The following EDRF1 variants were observed in gnomAD, a reference collection of about 807,000 sequenced individuals.
EDRF1 encodes erythroid differentiation regulatory factor 1.
In EDRF1, 69 loss-of-function variants were observed where a neutral mutation model predicts 148.7. The observed-to-expected ratio is 0.46, with a 90% CI of 0.38 to 0.57. EDRF1 has a LOEUF of 0.57. Among genes scored for constraint, EDRF1 ranks in the 20% least tolerant of loss-of-function variants. EDRF1 has a pLI of 0.00. For missense variants in EDRF1, 1,118 were observed against 1,478.7 expected (o/e 0.76, Z 4.00); for synonymous variants, 515 against 532.8 (o/e 0.97, Z 0.46).
At chr10:125,727,772 GGTT>G (rs1406489479) in intron 6 of EDRF1, among the ~76,000 whole-genome samples, 43 of 152,138 alleles carry the variant, frequency 2.8e-4, no homozygotes, top group Non-Finnish European at 2.6e-4. Flanking sequence ...GCCTGTCTTG[GGTT>G]CTGTTGAGGC....
chr10:125,738,640 A>G (rs1206177173), intron 15 of EDRF1, among the ~76,000 whole-genome samples, 195 bp downstream of exon 15: 1 of 152,202 alleles, frequency 6.6e-6, no homozygotes, highest in Non-Finnish European at 1.5e-5. Context: ...GGACATTTCT[A>G]ATAAGAGCAT....
At chr10:125,742,049 A>G (rs1319545169) in intron 17 of EDRF1, among the ~76,000 whole-genome samples, 1 of 152,216 alleles carries the variant, frequency 6.6e-6, no homozygotes, top group African/African-American at 2.4e-5. Context: ...TAACACTTGT[A>G]GTCAGCTAAC....
In EDRF1 at chr10:125,738,448, A is replaced by G. The variant is rs1424187974; in HGVS notation, c.1981+3A>G. The G allele has an allele frequency of 6.2e-7, 1 of 1,613,968 alleles. No homozygotes were observed. Among genetic ancestry groups the G allele is most frequent in the Non-Finnish European group, 8.5e-7 (1 of 1,179,962 alleles). On this transcript the variant is annotated splice_donor_region_variant and intron_variant, in intron 15 of 24. Transcript: ENST00000356792. ...GATGGCCTTGTTTTTGGACAAAAGT[A>G]AGTTGAATTGATGTGCAAATAAGGC...
chr10:125,729,863 T>C (rs1432069406), intron 8 of EDRF1, among the ~76,000 whole-genome samples: 1 of 152,246 alleles, frequency 6.6e-6, no homozygotes, highest in East Asian at 1.9e-4. Context: ...CAAGAGAGTT[T>C]ATTTAATTAG....
chr10:125,724,894 T>C (rs1848178471), intron 4 of EDRF1, among the ~76,000 whole-genome samples: 1 of 152,206 alleles, frequency 6.6e-6, no homozygotes, highest in Non-Finnish European at 1.5e-5. Flanking sequence ...AAATAAGTGC[T>C]TTTTTCCTTT....
Position 125,730,328 on chromosome 10 carries a change from T to G in EDRF1, c.1057T>G (p.Tyr353Asp). The G allele has an allele frequency of 1.2e-6, 2 of 1,613,994 alleles. No individual in the cohort carries two copies. Among genetic ancestry groups the G allele is most frequent in the Non-Finnish European group, 1.7e-6 (2 of 1,179,872 alleles). The change falls in exon 9 of 25, where the codon TAT becomes GAT. Residue 353 changes from tyrosine to aspartate, a missense_variant. Around this residue, in one of 3 missense-constraint regions of EDRF1, gnomAD observed 954 missense variants for 1,241.4 expected, o/e 0.77. Transcript: ENST00000356792. ...AATTAATGTGCTAACTGGAATTGAC[T>G]ATTGGTTGGACAACTTGATATGCAA... is the stretch of plus-strand genomic sequence containing the variant. ...KPINVLTGID[Y>D]WLDNLICNVP...
intron 12 of EDRF1, 114 bp downstream of exon 12, chr10:125,734,297 G>A: frequency 2.5e-6 from 2 of 798,690 alleles, no homozygotes; most frequent in South Asian, 2.8e-5. Context: ...ATTCAGTGTG[G>A]TAGCCATTAG....
At chr10:125,740,822 T>C (rs768739116) in intron 16 of EDRF1, among the ~76,000 whole-genome samples, 171 bp downstream of exon 16, 2 of 152,254 alleles carry the variant, frequency 1.3e-5, no homozygotes, top group Non-Finnish European at 2.9e-5. Context: ...CTCAGTGGTT[T>C]AACATCTCTT....
chr10:125,742,944 C>T, intron 17 of EDRF1, 114 bp from the exon 18 acceptor site: 1 of 1,495,352 alleles, frequency 6.7e-7, no homozygotes, highest in Non-Finnish European at 9.0e-7. Flanking sequence ...TCTTGGTATA[C>T]TTACACTATA....
intron 17 of EDRF1, 141 bp downstream of exon 17, chr10:125,741,342 A>G: frequency 1.1e-6 from 1 of 930,814 alleles, no homozygotes; most frequent in South Asian, 1.4e-5. Flanking sequence ...TTTGAGACGG[A>G]GTTTCGCTCT....
chr10:125,742,288 G>A (rs554776642), intron 17 of EDRF1: 1,358 of 1,287,730 alleles, frequency 1.1e-3, no homozygotes, highest in Non-Finnish European at 1.3e-3. Context: ...CCTCAGCACA[G>A]TGTGTAACCA....
At chr10:125,757,065 A>C (rs540545230) in intron 24 of EDRF1, 78 of 430,854 alleles carry the variant, frequency 1.8e-4, no homozygotes, top group Non-Finnish European at 3.2e-4. Context: ...CACCTTCCCC[A>C]GACTCCCAAA....
Position 125,719,889 on chromosome 10 carries a change from G to A in EDRF1, c.82G>A (p.Gly28Arg), listed in dbSNP as rs769152104. ...ARGGLSLLSQGESEESSAQGS... is the reference protein window; with the variant it reads ...ARGGLSLLSQRESEESSAQGS... ...AGGAGGGCTCAGCCTCCTGTCCCAGGGAGAATCCGAGGAATCTTCTGCACA... is the reference window on the plus strand; with the variant it reads ...AGGAGGGCTCAGCCTCCTGTCCCAGAGAGAATCCGAGGAATCTTCTGCACA... The change falls in exon 1 of 25, where the codon GGA becomes AGA. Residue 28 changes from glycine (G) to arginine (R), a missense_variant. Around this residue, in one of 3 missense-constraint regions of EDRF1, gnomAD observed 65 missense variants for 50.3 expected, o/e 1.29. Coordinates refer to ENST00000356792, the MANE Select transcript of EDRF1 (RefSeq NM_001202438.2). 2 of 1,613,282 alleles carry A rather than the reference G, an allele frequency of 1.2e-6. No homozygotes were observed. The highest frequency in any genetic ancestry group is 2.2e-5 in the South Asian group (2 of 91,046).
At chr10:125,742,787 T>C (rs1849101732) in intron 17 of EDRF1, 1 of 984,462 alleles carries the variant, frequency 1.0e-6, no homozygotes, top group African/African-American at 1.7e-5. Flanking sequence ...AATAAACAAG[T>C]GTACCTGGGA....
chr10:125,735,903 G>A lies in EDRF1; in HGVS notation c.1757G>A (p.Arg586Lys). 2 of 1,604,556 alleles carry A rather than the reference G, an allele frequency of 1.2e-6. No homozygotes were observed. Among genetic ancestry groups the A allele is most frequent in the Non-Finnish European group, 1.7e-6 (2 of 1,173,350 alleles). Residue 586 changes from arginine to lysine, a missense_variant and splice_region_variant, in exon 13 of 25, where the codon AGA becomes AAA. Coordinates refer to ENST00000356792, the MANE Select transcript of EDRF1 (RefSeq NM_001202438.2). ...AAATACAAATCTATTCATCAAATCAGAGTAAGCCTTTAGAATTTATATTAA... is the reference window on the plus strand; with the variant it reads ...AAATACAAATCTATTCATCAAATCAAAGTAAGCCTTTAGAATTTATATTAA... ...PEKYKSIHQI[R>K]PSCAFPVCHD...
intron 15 of EDRF1, among the ~76,000 whole-genome samples, chr10:125,740,091 G>A (rs2133716077): frequency 6.6e-6 from 1 of 152,340 alleles, no homozygotes; most frequent in Admixed American, 6.5e-5. Context: ...GTGGGGAGAA[G>A]CCGTTTTCAT....
intron 1 of EDRF1, among the ~76,000 whole-genome samples, chr10:125,720,712 G>C (rs1004793464): frequency 6.6e-6 from 1 of 151,590 alleles, no homozygotes; most frequent in Non-Finnish European, 1.5e-5. Flanking sequence ...TAGGGAGGCT[G>C]AGGCAGGAGA....
chr10:125,753,138 A>G (rs1189642222), intron 23 of EDRF1, among the ~76,000 whole-genome samples: 1 of 152,250 alleles, frequency 6.6e-6, no homozygotes, highest in Non-Finnish European at 1.5e-5. Flanking sequence ...ATATATCTCA[A>G]CAAGACCATA....
At chr10:125,761,164 C>T in intron 24 of EDRF1, 1 of 353,492 alleles carries the variant, frequency 2.8e-6, no homozygotes, top group Non-Finnish European at 5.5e-6. Context: ...TATTAGATTC[C>T]TATAGAATTA....
Sources: allele counts gnomAD v4.1 joint callset (sites outside exome capture counted in the v4.1 genomes callset), GRCh38; gene constraint gnomAD v4.1.1; regional missense constraint gnomAD v4.1.1; transcripts MANE v1.5; gene names NCBI Gene and HGNC (gene_info 2026-07-23, HGNC 2026-07-21).